The following SIPA1L2 variants were observed in gnomAD, a reference collection of about 807,000 sequenced individuals.
SIPA1L2 encodes signal induced proliferation associated 1 like 2.
A neutral mutation model predicts 163.9 loss-of-function variants in SIPA1L2; 56 were observed. The ratio of observed to expected loss-of-function variants is 0.34; its 90% CI spans 0.28 to 0.43. The LOEUF (loss-of-function observed/expected upper bound fraction) is 0.43. SIPA1L2 is among the 20% of genes least tolerant of loss of function. The pLI is 1.00. For missense variants in SIPA1L2, 1,974 were observed against 2,193.5 expected, an observed-to-expected ratio of 0.90 and a Z score of 2.00; for synonymous variants, 877 against 865.7, an observed-to-expected ratio of 1.01 and a Z score of -0.23.
intron 18 of SIPA1L2, among the ~76,000 whole-genome samples, chr1:232,416,844 A>G (rs1400580939): frequency 6.6e-6 from 1 of 152,216 alleles, no homozygotes; most frequent in Non-Finnish European, 1.5e-5. Context: ...TTGGCTATGA[A>G]TGGACCTTTT....
chr1:232,429,796 G>A (rs559293477), intron 16 of SIPA1L2, among the ~76,000 whole-genome samples: 39 of 152,214 alleles, frequency 2.6e-4, no homozygotes, highest in African/African-American at 7.7e-4. Flanking sequence ...TCCAAGAAGC[G>A]CCCAACATTC....
At chr1:232,579,232 G>A (rs771614342) in intron 1 of SIPA1L2, among the ~76,000 whole-genome samples, 11 of 152,160 alleles carry the variant, frequency 7.2e-5, no homozygotes, top group Non-Finnish European at 1.3e-4. Context: ...ATTCCATCAA[G>A]CTCCGTTTCT....
In SIPA1L2 at chr1:232,588,901, T is replaced by C. The variant is rs553200112; in HGVS notation, c.-318-14679A>G. On this transcript the variant is annotated intron_variant, in intron 1 of 22. Transcript: ENST00000674635. The stretch of plus-strand genomic sequence containing the variant: ...TTATGTTAACATACAGGTGGTTATA[T>C]TGTTATTTTAAATTCAATAATGATT... 9.2e-5 allele frequency among the ~76,000 whole-genome samples: 14 copies of C among 152,378 alleles called. 1 individual carries two copies. In the South Asian group the frequency reaches 1.0e-3, roughly 11 times the overall value.
intron 16 of SIPA1L2, among the ~76,000 whole-genome samples, chr1:232,429,267 G>A (rs913515030): frequency 3.3e-5 from 5 of 152,212 alleles, no homozygotes; most frequent in African/African-American, 1.2e-4. Flanking sequence ...TAAACAGTCA[G>A]CGGCTGCACT....
chr1:232,477,230 T>G (rs1359040422), intron 7 of SIPA1L2, among the ~76,000 whole-genome samples: 1 of 152,170 alleles, frequency 6.6e-6, no homozygotes. Flanking sequence ...AGAGTCTTAG[T>G]TTTTCATAAT....
chr1:232,488,765 G>A (rs1246867401), intron 5 of SIPA1L2, among the ~76,000 whole-genome samples: 1 of 152,178 alleles, frequency 6.6e-6, no homozygotes, highest in Admixed American at 6.5e-5. Flanking sequence ...AACTGCCTCG[G>A]ATAGCTTCTA....
intron 1 of SIPA1L2, among the ~76,000 whole-genome samples, chr1:232,624,469 T>C (rs1972357): frequency 0.54 from 82,826 of 152,070 alleles, 23,169 homozygotes; most frequent in African/African-American, 0.65. Flanking sequence ...GGACACTATG[T>C]CTTAAGCATT....
At chr1:232,424,893 T>G (rs1358599935) in intron 18 of SIPA1L2, among the ~76,000 whole-genome samples, 1 of 152,178 alleles carries the variant, frequency 6.6e-6, no homozygotes, top group East Asian at 1.9e-4. Flanking sequence ...CAAAAATAAC[T>G]ATGTATAAAG....
At chr1:232,491,182 G>A (rs750659476) in intron 4 of SIPA1L2, 120 bp from the exon 5 acceptor site, 21 of 824,282 alleles carry the variant, frequency 2.5e-5, no homozygotes, top group Non-Finnish European at 3.4e-5. Flanking sequence ...TGAGTGTAGT[G>A]AAAGGGGCGA....
intron 21 of SIPA1L2, 191 bp from the exon 22 acceptor site, chr1:232,402,664 T>A: frequency 4.4e-6 from 2 of 457,582 alleles, no homozygotes; most frequent in Non-Finnish European, 7.8e-6. Flanking sequence ...TTTACTGATT[T>A]AAAAAGAGAT....
At chr1:232,441,475 T>C (rs1662889843) in intron 13 of SIPA1L2, 81 bp from the exon 14 acceptor site, 1 of 1,189,406 alleles carries the variant, frequency 8.4e-7, no homozygotes, top group Non-Finnish European at 1.2e-6. Context: ...GTCAGACAAG[T>C]GGTTTGGTAA....
At chr1:232,619,416 G>A (rs1662681205) in intron 1 of SIPA1L2, among the ~76,000 whole-genome samples, 1 of 152,220 alleles carries the variant, frequency 6.6e-6, no homozygotes, top group Non-Finnish European at 1.5e-5. Flanking sequence ...GCCCAAGTTA[G>A]TTAGTTCATC....
chr1:232,447,302 G>A (rs1663274845), intron 10 of SIPA1L2, among the ~76,000 whole-genome samples: 2 of 152,184 alleles, frequency 1.3e-5, no homozygotes, highest in Non-Finnish European at 2.9e-5. Flanking sequence ...ACAGCCCCCT[G>A]TAGAGGAACC....
chr1:232,476,915 G>A (rs182860286), intron 7 of SIPA1L2, among the ~76,000 whole-genome samples: 34 of 152,286 alleles, frequency 2.2e-4, no homozygotes, highest in Non-Finnish European at 4.4e-4. Flanking sequence ...AATTCATGTA[G>A]GGGCCAGTTA....
At chr1:232,545,637 T>C (rs529143045) in intron 2 of SIPA1L2, among the ~76,000 whole-genome samples, 1 of 152,346 alleles carries the variant, frequency 6.6e-6, no homozygotes, top group East Asian at 1.9e-4. Context: ...TAATTGTTTT[T>C]TAAAAATTCA....
chr1:232,433,249 G>A (rs115950583), intron 15 of SIPA1L2, among the ~76,000 whole-genome samples: 1,976 of 152,280 alleles, frequency 0.013, 48 homozygotes, highest in African/African-American at 0.044. Flanking sequence ...CGACTTGGGC[G>A]ATCTCATGAA....
chr1:232,586,287 T>C (rs1001696828), intron 1 of SIPA1L2, among the ~76,000 whole-genome samples: 1 of 152,176 alleles, frequency 6.6e-6, no homozygotes, highest in Non-Finnish European at 1.5e-5. Flanking sequence ...AAATTGAATG[T>C]CTAGGTTTCA....
In SIPA1L2 at chr1:232,489,458, C is replaced by T. The variant is rs576195473; in HGVS notation, c.1806+1416G>A. ...AATGGTAAACCTATTCTGTGTATTA[C>T]GCAATTTAAAAGTCACCTGCTCAAG... On this transcript the variant is annotated intron_variant, in intron 5 of 22. Transcript: ENST00000674635. Among the ~76,000 whole-genome samples the T allele has an allele frequency of 1.1e-3, 173 of 151,412 alleles. 1 individual carries two copies. The highest frequency in any genetic ancestry group is 3.7e-3 in the African/African-American group (154 of 41,224).
At chr1:232,436,013 T>C (rs945125522) in intron 15 of SIPA1L2, among the ~76,000 whole-genome samples, 8 of 152,138 alleles carry the variant, frequency 5.3e-5, no homozygotes, top group Admixed American at 2.0e-4. Context: ...ATGGTGTCGG[T>C]TGTGAAAACC....
Sources: allele counts gnomAD v4.1 joint callset (sites outside exome capture counted in the v4.1 genomes callset), GRCh38; gene constraint gnomAD v4.1.1; transcripts MANE v1.5; gene names NCBI Gene and HGNC (gene_info 2026-07-23, HGNC 2026-07-21).